Variants in BSN observed in about 807,000 individuals in gnomAD.
The protein encoded by BSN is bassoon presynaptic cytomatrix protein.
A neutral mutation model predicts 264.8 loss-of-function variants in BSN; 57 were observed. That is an observed-to-expected ratio of 0.22 (90% CI 0.17 to 0.27). BSN has a LOEUF of 0.27. Ranked by LOEUF, BSN falls within the 10% of genes least tolerant of loss-of-function variation. The pLI, the probability that BSN is intolerant of heterozygous loss-of-function variation, is 1.00. For missense variants in BSN, 4,615 were observed against 5,232.5 expected (o/e 0.88, Z 3.64); for synonymous variants, 2,059 against 2,137.3 (o/e 0.96, Z 1.01).
intron 1 of BSN, among the ~76,000 whole-genome samples, chr3:49,566,679 G>C (rs1013400880): frequency 6.6e-6 from 1 of 151,776 alleles, no homozygotes; most frequent in Non-Finnish European, 1.5e-5. Flanking sequence ...CCAGCTACTC[G>C]GGAGGCTGAG....
chr3:49,560,117 C>T (rs1279617868), intron 1 of BSN, among the ~76,000 whole-genome samples: 1 of 152,112 alleles, frequency 6.6e-6, no homozygotes, highest in East Asian at 1.9e-4. Flanking sequence ...GTGGGGGAGC[C>T]CTCCCTGCAT....
At chr3:49,632,151 C>T (rs981601889) in intron 2 of BSN, among the ~76,000 whole-genome samples, 1 of 152,136 alleles carries the variant, frequency 6.6e-6, no homozygotes, top group Non-Finnish European at 1.5e-5. Context: ...GGACCTTTTC[C>T]TTACATCATA....
rs1483709698 is a variant in BSN at position 49,653,412 on chromosome 3, A to G, written c.3856A>G (p.Lys1286Glu). Reference protein sequence around the residue: ...RDLAFAEDKKKEKQFLNAESA... With the variant: ...RDLAFAEDKKEEKQFLNAESA... ...CCTGGCTTTTGCTGAGGACAAAAAG[A>G]AGGAGAAGCAGTTTCTAAATGCTGA... Residue 1286 changes from lysine (K) to glutamate (E), a missense_variant, in exon 5 of 12, where the codon AAG (lysine) becomes GAG (glutamate). By Grantham distance (56) the Lys-to-Glu change is moderately conservative. Transcript: ENST00000296452. This position sits in a 1 kb window ranked among gnomAD's most constrained non-coding sequence, Gnocchi z 6.3. 2.0e-5 allele frequency: 33 copies of G among 1,613,814 alleles called. No homozygotes were observed. The highest frequency in any genetic ancestry group is 2.6e-5 in the Non-Finnish European group (31 of 1,180,008).
At chr3:49,634,368 G>T (rs1242321504) in intron 2 of BSN, among the ~76,000 whole-genome samples, 1 of 152,162 alleles carries the variant, frequency 6.6e-6, no homozygotes, top group Non-Finnish European at 1.5e-5. Flanking sequence ...AATGGTTAAG[G>T]TAGTAAATTT....
rs763068122 is a variant in BSN, at chr3:49,657,018, C to T, written c.7462C>T (p.Pro2488Ser). ...PAACEAPGRG[P>S]PLAAAELAQN... ...AGCCTGTGAGGCACCTGGCCGAGGG[C>T]CTCCCCTAGCGGCTGCTGAGTTGGC... The change falls in exon 5 of 12, where the codon CCT (proline) becomes TCT (serine). Residue 2488 changes from proline to serine, a missense_variant. Coordinates refer to ENST00000296452, the MANE Select transcript of BSN (RefSeq NM_003458.4). 13 of 1,610,324 alleles carry T rather than the reference C, an allele frequency of 8.1e-6. No homozygotes were observed. Among genetic ancestry groups the T allele is most frequent in the Non-Finnish European group, 1.1e-5 (13 of 1,177,828 alleles).
chr3:49,622,555 A>G (rs2052314366), intron 1 of BSN, among the ~76,000 whole-genome samples: 1 of 152,246 alleles, frequency 6.6e-6, no homozygotes, highest in Non-Finnish European at 1.5e-5. Context: ...ATTGGGCAAC[A>G]CAAATACAAT....
intron 1 of BSN, among the ~76,000 whole-genome samples, chr3:49,569,278 G>T (rs1575425659): frequency 1.3e-5 from 2 of 152,224 alleles, no homozygotes; most frequent in South Asian, 4.1e-4. Flanking sequence ...ATGCCACCTG[G>T]TTCCTACAAG....
chr3:49,605,532 A>T (rs1471685219), intron 1 of BSN, among the ~76,000 whole-genome samples: 12 of 1,770 alleles, frequency 6.8e-3, no homozygotes, highest in African/African-American at 0.025. Context: ...ATAATATATA[A>T]TATATATTAT....
In BSN at chr3:49,596,594, A is replaced by G. The variant is rs184063014; in HGVS notation, c.225-28381A>G. Among the ~76,000 whole-genome samples the G allele has an allele frequency of 1.7e-4, 26 of 152,272 alleles. 1 individual carries two copies. Among genetic ancestry groups the G allele is most frequent in the Non-Finnish European group, 7.4e-5 (5 of 68,000 alleles). ...GGTCTTGAACTTTTGGCCTCAAGCAATCCTCCTGCCTCGGCCTCCCAAAGT... is the reference window on the plus strand; with the variant it reads ...GGTCTTGAACTTTTGGCCTCAAGCAGTCCTCCTGCCTCGGCCTCCCAAAGT... On this transcript the variant is annotated intron_variant, in intron 1 of 11. Transcript: ENST00000296452.
At position 49,664,464 on chromosome 3, in the gene BSN, C is replaced by T. The variant is rs149416257; in HGVS notation, c.11650C>T (p.Pro3884Ser). 6.2e-7 allele frequency: 1 copy of T among 1,613,642 alleles called. No homozygotes were observed. The highest frequency in any genetic ancestry group is 1.7e-5 in the Admixed American group (1 of 59,986). The stretch of plus-strand genomic sequence containing the variant: ...CAGGCCTGGAGGAACCCCAGGGGCT[C>T]CCGCCGGCCAGCCAGGTGCCGATGG... ...GARPGGTPGA[P>S]AGQPGADGES... The change falls in exon 9 of 12, where the codon CCC becomes TCC. Residue 3884 changes from proline (P) to serine (S), a missense_variant. By Grantham distance (74) the Pro-to-Ser change is moderately conservative. Around this residue, in one of 3 missense-constraint regions of BSN, gnomAD observed 3,415 missense variants for 3,866.4 expected, o/e 0.88. Coordinates refer to ENST00000296452, the MANE Select transcript of BSN (RefSeq NM_003458.4).
chr3:49,652,952 T>C lies in BSN; in HGVS notation c.3396T>C (p.Leu1132=). Residue 1132 remains leucine, a synonymous_variant, in exon 5 of 12, where the codon CTT becomes CTC. Transcript: ENST00000296452. The part of the protein sequence containing the change: ...SCSEYSPSPS[L]DSEAEALDGG... ...CTGAGTACTCACCCTCACCCTCCCT[T>C]GACTCTGAGGCTGAGGCCTTGGATG... The C allele has an allele frequency of 6.2e-7, 1 of 1,611,494 alleles. No homozygotes were observed. The highest frequency in any genetic ancestry group is 8.5e-7 in the Non-Finnish European group (1 of 1,178,764).
chr3:49,628,848 A>G (rs907913306), intron 2 of BSN, among the ~76,000 whole-genome samples: 1 of 151,750 alleles, frequency 6.6e-6, no homozygotes, highest in African/African-American at 2.4e-5. Context: ...TCCATAGTCC[A>G]TTTTGCTAAG....
At chr3:49,573,657 G>GTT (rs965564780) in intron 1 of BSN, among the ~76,000 whole-genome samples, 17 of 141,854 alleles carry the variant, frequency 1.2e-4, no homozygotes, top group South Asian at 2.2e-4. Context: ...TTTCTCTCTG[G>GTT]TTTTTTTTTT....
At chr3:49,606,179 GTA>G (rs377069561) in intron 1 of BSN, among the ~76,000 whole-genome samples, 11,895 of 15,928 alleles carry the variant, frequency 0.75, 4,400 homozygotes, top group Middle Eastern at 1. Flanking sequence ...TATTATATAT[GTA>G]TATATATTAT....
At chr3:49,617,277 AATACATTATAT>A (rs1353869589) in intron 1 of BSN, among the ~76,000 whole-genome samples, 10 of 144,122 alleles carry the variant, frequency 6.9e-5, no homozygotes, top group African/African-American at 2.6e-4. Flanking sequence ...TAAAAAATAA[AATACATTATAT>A]ATATATATAT....
intron 1 of BSN, among the ~76,000 whole-genome samples, chr3:49,586,326 C>CCCTATCTA (rs139054986): frequency 6.0e-5 from 9 of 149,496 alleles, no homozygotes; most frequent in Admixed American, 6.7e-5. Flanking sequence ...GTTTTCCCAG[C>CCCTATCTA]TCTATCTATC....
chr3:49,562,892 C>T (rs2051725263), intron 1 of BSN, among the ~76,000 whole-genome samples: 1 of 152,076 alleles, frequency 6.6e-6, no homozygotes, highest in Non-Finnish European at 1.5e-5. Context: ...CCTGGCATTG[C>T]CTAAACTTGG....
intron 8 of BSN, 80 bp downstream of exon 8, chr3:49,663,966 C>A: frequency 7.7e-7 from 1 of 1,301,392 alleles, no homozygotes; most frequent in Non-Finnish European, 1.1e-6. Context: ...GTGCCCTGAG[C>A]TCCCCCACAC....
At chr3:49,633,289 G>A (rs1269261664) in intron 2 of BSN, among the ~76,000 whole-genome samples, 7 of 148,240 alleles carry the variant, frequency 4.7e-5, no homozygotes, top group Non-Finnish European at 8.9e-5. Context: ...ACAACTGAGC[G>A]AGACTCTGTC....
Sources: allele counts gnomAD v4.1 joint callset (sites outside exome capture counted in the v4.1 genomes callset), GRCh38; gene constraint gnomAD v4.1.1; regional missense constraint gnomAD v4.1.1; non-coding constraint Gnocchi (gnomAD v3.1); transcripts MANE v1.5; gene names NCBI Gene and HGNC (gene_info 2026-07-23, HGNC 2026-07-21).